The following PPP1R7 variants were observed in gnomAD, a reference collection of about 807,000 sequenced individuals.
The protein encoded by PPP1R7 is protein phosphatase 1 regulatory subunit 7, also known as protein phosphatase 1 regulatory subunit 22.
PPP1R7 carries 18 observed loss-of-function variants against 45.2 expected under a neutral mutation model. The ratio of observed to expected loss-of-function variants is 0.40; its 90% CI spans 0.28 to 0.59. The LOEUF (loss-of-function observed/expected upper bound fraction) is 0.59. Ranked by LOEUF, PPP1R7 falls within the 20% of genes least tolerant of loss-of-function variation. The probability of loss-of-function intolerance (pLI) is 0.46; values close to 1 mark genes in which losing one functional copy is unlikely to be tolerated. For synonymous variants in PPP1R7, 181 were observed against 183.4 expected, an observed-to-expected ratio of 0.99 and a Z score of 0.11; for missense variants, 314 against 455.8, an observed-to-expected ratio of 0.69 and a Z score of 2.83.
In PPP1R7 at chr2:241,153,772, C is replaced by T. The variant is rs566853628; in HGVS notation, c.181+168C>T. Among the ~76,000 whole-genome samples, 34 of 152,260 alleles carry T rather than the reference C, an allele frequency of 2.2e-4. 2 individuals carry two copies. The South Asian group carries it at 7.1e-3, about 32-fold the overall frequency. Reference sequence around the variant, plus strand: ...AGGTGGATATGCTCTTTGAGGTGCTCCTTCAGCAGGCTGACTCATTGATGG... The same window carrying T: ...AGGTGGATATGCTCTTTGAGGTGCTTCTTCAGCAGGCTGACTCATTGATGG... On this transcript the variant is annotated intron_variant, in intron 2 of 9. Transcript: ENST00000234038.
intron 7 of PPP1R7, 50 bp downstream of exon 7, chr2:241,163,451 C>A: frequency 8.0e-7 from 1 of 1,251,828 alleles, no homozygotes; most frequent in Non-Finnish European, 1.2e-6. Context: ...GCAGGGCCAG[C>A]GCTGCTGGAC....
intron 2 of PPP1R7, among the ~76,000 whole-genome samples, chr2:241,157,199 G>A (rs982228153): frequency 6.6e-6 from 1 of 152,184 alleles, no homozygotes; most frequent in Non-Finnish European, 1.5e-5. Context: ...TGAGAAGTGT[G>A]TTTAAATTAT....
intron 9 of PPP1R7, 35 bp from the exon 10 acceptor site, chr2:241,182,612 G>T: frequency 2.5e-6 from 4 of 1,609,270 alleles, no homozygotes; most frequent in Non-Finnish European, 2.6e-6. Context: ...TGGGCTGTTT[G>T]GTTCTAAAGG....
intron 9 of PPP1R7, among the ~76,000 whole-genome samples, chr2:241,175,071 T>C (rs1002856925): frequency 5.9e-5 from 9 of 152,206 alleles, no homozygotes; most frequent in African/African-American, 2.2e-4. Context: ...TTATTTATCT[T>C]ACTTTTGTGT....
chr2:241,168,030 C>T (rs907313348), intron 8 of PPP1R7, among the ~76,000 whole-genome samples: 3 of 152,208 alleles, frequency 2.0e-5, no homozygotes, highest in African/African-American at 7.2e-5. Context: ...TGGGCTCTCC[C>T]GTTGGTCTAG....
At chr2:241,173,556 T>C (rs560723437) in intron 9 of PPP1R7, among the ~76,000 whole-genome samples, 2 of 152,370 alleles carry the variant, frequency 1.3e-5, no homozygotes, top group African/African-American at 4.8e-5. Flanking sequence ...TAGTTTATTT[T>C]CTGTGATGTG....
intron 1 of PPP1R7, among the ~76,000 whole-genome samples, chr2:241,152,329 C>G (rs1309883664): frequency 3.9e-5 from 6 of 152,218 alleles, no homozygotes; most frequent in Admixed American, 3.9e-4. Context: ...TCCAGAAATA[C>G]TTTTGGACTC....
Position 241,166,326 on chromosome 2 carries a change from C to T in PPP1R7, c.715-11C>T, listed in dbSNP as rs748407195. 8 of 1,609,266 alleles carry T rather than the reference C, an allele frequency of 5.0e-6. No homozygotes were observed. In the South Asian group the frequency reaches 8.8e-5, roughly 18 times the overall value. ...TACTGTTCTGACAGCTGTGTGCTCT[C>T]CCTCTTGCAGAGCAACCGGCTGACC... On this transcript the variant is annotated splice_polypyrimidine_tract_variant and intron_variant, in intron 7 of 9. Transcript: ENST00000234038.
In PPP1R7 at chr2:241,168,318, G is replaced by A. The variant is rs1304845713; in HGVS notation, c.820-1463G>A. Among the ~76,000 whole-genome samples the A allele has an allele frequency of 7.2e-5, 11 of 152,236 alleles. No individual in the cohort carries two copies. The East Asian group carries it at 2.1e-3, about 29-fold the overall frequency. On this transcript the variant is annotated intron_variant, in intron 8 of 9. Transcript: ENST00000234038. ...GGCTCTGCCCCTCGTGCTGAGCCTT[G>A]GTGCTTGGACCTCACGAGGCTCAAA...
intron 9 of PPP1R7, among the ~76,000 whole-genome samples, chr2:241,172,651 A>G (rs2067836792): frequency 6.6e-6 from 1 of 152,050 alleles, no homozygotes; most frequent in Non-Finnish European, 1.5e-5. Flanking sequence ...CTCAAAAAAA[A>G]AAAAAAAGAA....
intron 9 of PPP1R7, among the ~76,000 whole-genome samples, chr2:241,181,753 C>T (rs1368513305): frequency 6.6e-6 from 1 of 152,200 alleles, no homozygotes; most frequent in Non-Finnish European, 1.5e-5. Flanking sequence ...ATAACGAGTG[C>T]CCCTGCCTGT....
In PPP1R7 at chr2:241,181,086, T is replaced by C. The variant is rs184269323; in HGVS notation, c.907-1561T>C. Among the ~76,000 whole-genome samples the C allele has an allele frequency of 9.2e-4, 140 of 152,110 alleles. 1 individual carries two copies. The highest frequency in any genetic ancestry group is 3.2e-3 in the African/African-American group (134 of 41,502). ...GATGGCGAGTGCCTGTAATCCCAGC[T>C]ACTTGGGAGGCTGAGGTGGGAGAAT... On this transcript the variant is annotated intron_variant, in intron 9 of 9. Coordinates refer to ENST00000234038, the MANE Select transcript of PPP1R7 (RefSeq NM_002712.3).
intron 9 of PPP1R7, among the ~76,000 whole-genome samples, chr2:241,179,356 T>G (rs2067962461): frequency 6.6e-6 from 1 of 152,236 alleles, no homozygotes; most frequent in Non-Finnish European, 1.5e-5. Flanking sequence ...TCCCTAATTG[T>G]GGGACCACCT....
intron 1 of PPP1R7, 74 bp downstream of exon 1, chr2:241,150,621 C>T: frequency 4.8e-6 from 7 of 1,447,828 alleles, no homozygotes; most frequent in Non-Finnish European, 6.4e-6. Context: ...CTGCTCCGTG[C>T]CTGAGAGAAA....
upstream of PPP1R7, chr2:241,150,029 G>A (rs565661304): frequency 3.4e-5 from 47 of 1,386,178 alleles, 1 homozygote; most frequent in South Asian, 6.3e-4. Context: ...TACAGACGCA[G>A]CCAGCGAGGC....
intron 6 of PPP1R7, among the ~76,000 whole-genome samples, chr2:241,162,920 T>G (rs79955687): frequency 1.3e-5 from 2 of 152,136 alleles, no homozygotes; most frequent in East Asian, 3.8e-4. Context: ...GACCTTGTGA[T>G]CCACCTGCCT....
Position 241,166,426 on chromosome 2 carries a change from G to A in PPP1R7, c.804G>A (p.Glu268=), listed in dbSNP as rs755373740. 1 of 1,613,742 alleles carries A rather than the reference G, an allele frequency of 6.2e-7. No homozygotes were observed. The highest frequency in any genetic ancestry group is 8.5e-7 in the Non-Finnish European group (1 of 1,179,778). ...GCCACAATGGCATCGAGGTCATCGA[G>A]GGCCTGGAGAACAATGTAAGACACC... ...YLSHNGIEVI[E]GLENNNKLTM... The change falls in exon 8 of 10, where the codon GAG becomes GAA. Residue 268 remains glutamate (E), a synonymous_variant. Coordinates refer to ENST00000234038, the MANE Select transcript of PPP1R7 (RefSeq NM_002712.3).
chr2:241,177,215 G>A (rs1029313102), intron 9 of PPP1R7, among the ~76,000 whole-genome samples: 2 of 152,122 alleles, frequency 1.3e-5, no homozygotes, highest in African/African-American at 2.4e-5. Context: ...TCAGGAGATC[G>A]AGACCATCCT....
At position 241,181,003 on chromosome 2, in the gene PPP1R7, A is replaced by G. The variant is rs192415405; in HGVS notation, c.907-1644A>G. Among the ~76,000 whole-genome samples, 544 of 152,260 alleles carry G rather than the reference A, an allele frequency of 3.6e-3. 1 individual carries two copies. The highest frequency in any genetic ancestry group is 0.013 in the African/African-American group (520 of 41,542). On this transcript the variant is annotated intron_variant, in intron 9 of 9. Coordinates refer to ENST00000234038, the MANE Select transcript of PPP1R7 (RefSeq NM_002712.3). ...CACTTGAGGTCAGGAGTTCAAGACC[A>G]GGCTGGCCAACGTGGTGAAACCCCA...
Sources: gnomAD v4.1 joint callset for allele counts (sites outside exome capture counted in the v4.1 genomes callset) on GRCh38, gnomAD v4.1.1 for gene constraint, MANE v1.5 for transcripts, NCBI Gene and HGNC (gene_info 2026-07-23, HGNC 2026-07-21) for gene names.